The following FAM227B variants were observed in gnomAD, a reference collection of about 807,000 sequenced individuals.
FAM227B encodes protein FAM227B.
FAM227B carries 88 observed loss-of-function variants against 73.8 expected under a neutral mutation model. The observed-to-expected ratio is 1.19, with a 90% CI of 1.00 to 1.42. FAM227B has a LOEUF of 1.42. Among genes scored for constraint, FAM227B ranks in the 40% most tolerant of loss-of-function variants. The probability of loss-of-function intolerance (pLI) is 0.00; values close to 1 mark genes in which losing one functional copy is unlikely to be tolerated. For missense variants in FAM227B, 632 were observed against 590.9 expected (o/e 1.07, Z -0.72); for synonymous variants, 210 against 190.5 (o/e 1.10, Z -0.84).
At chr15:49,466,551 T>C (rs764888461) in intron 11 of FAM227B, among the ~76,000 whole-genome samples, 1 of 152,184 alleles carries the variant, frequency 6.6e-6, no homozygotes, top group Non-Finnish European at 1.5e-5. Flanking sequence ...CCACTGAAAC[T>C]TTTGAAGCAG....
chr15:49,382,613 C>T (rs1047520060), intron 11 of FAM227B, among the ~76,000 whole-genome samples: 10 of 151,986 alleles, frequency 6.6e-5, no homozygotes, highest in African/African-American at 9.7e-5. Context: ...GAAGTGGCAA[C>T]AAAATGGGCC....
At chr15:49,347,901 C>T (rs2041736708) in intron 13 of FAM227B, among the ~76,000 whole-genome samples, 1 of 151,832 alleles carries the variant, frequency 6.6e-6, no homozygotes, top group Non-Finnish European at 1.5e-5. Flanking sequence ...TGCCTGTAGT[C>T]CCAGCTACTC....
intron 5 of FAM227B, among the ~76,000 whole-genome samples, chr15:49,579,667 A>G (rs1468243398): frequency 6.6e-6 from 1 of 152,142 alleles, no homozygotes; most frequent in East Asian, 1.9e-4. Flanking sequence ...GGAGATTAAG[A>G]GAGGTTGGTT....
At chr15:49,440,430 T>A (rs1425678936) in intron 11 of FAM227B, among the ~76,000 whole-genome samples, 2 of 151,706 alleles carry the variant, frequency 1.3e-5, no homozygotes, top group Admixed American at 1.3e-4. Context: ...GATCAGCAAA[T>A]TGATTATAGT....
chr15:49,552,501 T>C (rs2073149979), intron 9 of FAM227B, among the ~76,000 whole-genome samples: 1 of 152,206 alleles, frequency 6.6e-6, no homozygotes, highest in Non-Finnish European at 1.5e-5. Context: ...AACCTTCTTG[T>C]ACTTGGATAT....
At chr15:49,343,432 T>C (rs976825457) in intron 13 of FAM227B, among the ~76,000 whole-genome samples, 1 of 152,034 alleles carries the variant, frequency 6.6e-6, no homozygotes, top group Non-Finnish European at 1.5e-5. Context: ...GATTTAGGAG[T>C]TTCTTTGTGT....
chr15:49,437,164 C>T (rs1282477118), intron 11 of FAM227B, among the ~76,000 whole-genome samples: 3 of 151,460 alleles, frequency 2.0e-5, no homozygotes, highest in African/African-American at 7.3e-5. Context: ...CCAGACACTA[C>T]ATATATTATA....
chr15:49,404,114 T>G (rs2048356451), intron 11 of FAM227B, among the ~76,000 whole-genome samples: 1 of 152,160 alleles, frequency 6.6e-6, no homozygotes, highest in African/African-American at 2.4e-5. Context: ...TTGTGCTGTG[T>G]GTGGTCCAAG....
intron 10 of FAM227B, among the ~76,000 whole-genome samples, chr15:49,536,985 T>C (rs1039928055): frequency 6.6e-6 from 1 of 152,006 alleles, no homozygotes; most frequent in African/African-American, 2.4e-5. Context: ...CATAGGGCAA[T>C]AGCTTCTTGA....
chr15:49,423,006 T>C (rs2049819983), intron 11 of FAM227B: 1 of 264,858 alleles, frequency 3.8e-6, no homozygotes, highest in African/African-American at 2.2e-5. Context: ...GTTTAAAAAA[T>C]TCCCTTTCCC....
intron 11 of FAM227B, among the ~76,000 whole-genome samples, chr15:49,379,091 T>C (rs908449755): frequency 2.6e-5 from 4 of 152,204 alleles, no homozygotes; most frequent in African/African-American, 9.7e-5. Flanking sequence ...ATATGATGTA[T>C]TACATTGATC....
At chr15:49,565,802 C>G (rs2074608506) in intron 9 of FAM227B, among the ~76,000 whole-genome samples, 1 of 152,064 alleles carries the variant, frequency 6.6e-6, no homozygotes, top group South Asian at 2.1e-4. Flanking sequence ...GAGATTATCC[C>G]ATGGGCTGTA....
At chr15:49,448,635 T>A (rs2052438680) in intron 11 of FAM227B, among the ~76,000 whole-genome samples, 1 of 151,640 alleles carries the variant, frequency 6.6e-6, no homozygotes. Context: ...TATTCTTTGA[T>A]GAGCATATAC....
chr15:49,427,208 G>A (rs1305296507), intron 11 of FAM227B, among the ~76,000 whole-genome samples: 1 of 151,864 alleles, frequency 6.6e-6, no homozygotes, highest in Non-Finnish European at 1.5e-5. Context: ...AGGAAATCTA[G>A]GTTCAAAAAA....
At chr15:49,593,774 T>C (rs1598437027) in intron 3 of FAM227B, among the ~76,000 whole-genome samples, 1 of 152,252 alleles carries the variant, frequency 6.6e-6, no homozygotes, top group Admixed American at 6.5e-5. Context: ...ATTTGGTTCC[T>C]TTTTATGGCT....
chr15:49,600,991 G>A (rs562357577), intron 3 of FAM227B, among the ~76,000 whole-genome samples: 1 of 147,242 alleles, frequency 6.8e-6, no homozygotes, highest in South Asian at 2.2e-4. Flanking sequence ...GCGGTGAGTG[G>A]AGATCGCGCC....
intron 11 of FAM227B, among the ~76,000 whole-genome samples, chr15:49,408,280 C>A (rs1248611447): frequency 1.3e-5 from 2 of 152,154 alleles, no homozygotes; most frequent in Non-Finnish European, 2.9e-5. Context: ...TCAAGTGCTG[C>A]CTAATGATAT....
chr15:49,367,449 G>T lies in FAM227B; in HGVS notation c.1270C>A (p.Pro424Thr). 1 of 1,567,110 alleles carries T rather than the reference G, an allele frequency of 6.4e-7. No individual in the cohort carries two copies. Among genetic ancestry groups the T allele is most frequent in the Non-Finnish European group, 8.6e-7 (1 of 1,167,260 alleles). Residue 424 changes from proline to threonine, a missense_variant and splice_region_variant, in exon 13 of 16, where the codon CCA becomes ACA. Transcript: ENST00000299338. ...KIKLTKIFQE[P>T]LPAPTYRDVI... is the part of the protein sequence containing the mutation. ...AAAGCAAAGCTTTAAAAAGGATATGGTTCCTGGAATATCTTAGTGAGTTTA... is the reference window on the plus strand; with the variant it reads ...AAAGCAAAGCTTTAAAAAGGATATGTTTCCTGGAATATCTTAGTGAGTTTA...
At chr15:49,617,149 A>C (rs955561726) in intron 1 of FAM227B, among the ~76,000 whole-genome samples, 1 of 152,202 alleles carries the variant, frequency 6.6e-6, no homozygotes, top group African/African-American at 2.4e-5. Context: ...TTCTATCACC[A>C]TTTTAATCCT....
Sources: allele counts gnomAD v4.1 joint callset (sites outside exome capture counted in the v4.1 genomes callset), GRCh38; gene constraint gnomAD v4.1.1; transcripts MANE v1.5; gene names NCBI Gene and HGNC (gene_info 2026-07-23, HGNC 2026-07-21).